The following CCDC39 variants were observed in gnomAD, a reference collection of about 807,000 sequenced individuals.
CCDC39 encodes the protein coiled-coil domain 39 molecular ruler complex subunit.
CCDC39 carries 113 observed loss-of-function variants against 121.0 expected under a neutral mutation model. The ratio of observed to expected loss-of-function variants is 0.93; its 90% CI spans 0.80 to 1.09. The LOEUF (loss-of-function observed/expected upper bound fraction) is 1.09, where lower values mean the gene tolerates loss of function less well. Among genes scored for constraint, CCDC39 ranks in the 50% least tolerant of loss-of-function variants. The probability of loss-of-function intolerance (pLI) is 0.00; values close to 1 mark genes in which losing one functional copy is unlikely to be tolerated. For synonymous variants in CCDC39, 349 were observed against 352.2 expected, an observed-to-expected ratio of 0.99 and a Z score of 0.10; for missense variants, 1,063 against 1,074.7, an observed-to-expected ratio of 0.99 and a Z score of 0.15.
intron 1 of CCDC39, among the ~76,000 whole-genome samples, chr3:180,673,484 T>TG (rs1712105310): frequency 6.6e-6 from 1 of 151,952 alleles, no homozygotes; most frequent in African/African-American, 2.4e-5. Context: ...CTTGTTAGTA[T>TG]TTTTTTTAAC....
At chr3:180,650,096 C>G (rs1051696029) in intron 9 of CCDC39, among the ~76,000 whole-genome samples, 7 of 152,028 alleles carry the variant, frequency 4.6e-5, no homozygotes, top group African/African-American at 1.7e-4. Context: ...TTTTTCAACC[C>G]CCCCAAACGA....
At chr3:180,634,406 AGGGTGTCCCCAGATT>A (rs1263108963) in intron 13 of CCDC39, among the ~76,000 whole-genome samples, 1 of 152,160 alleles carries the variant, frequency 6.6e-6, no homozygotes, top group Non-Finnish European at 1.5e-5. Context: ...ATCACCAGGT[AGGGTGTCCCCAGATT>A]GGGCCCATAG....
At chr3:180,633,286 TA>T in intron 13 of CCDC39, among the ~76,000 whole-genome samples, 2 of 152,278 alleles carry the variant, frequency 1.3e-5, no homozygotes, top group East Asian at 3.9e-4. Context: ...AAAGGACCAT[TA>T]AACATTTATG....
chr3:180,670,312 G>GTGT (rs1712003307), intron 1 of CCDC39, among the ~76,000 whole-genome samples: 1 of 148,292 alleles, frequency 6.7e-6, no homozygotes. Context: ...GTATGGAAGG[G>GTGT]GTGTGTGTGT....
rs534513351 is a variant in CCDC39 at position 180,636,309 on chromosome 3, A to C, written c.1875-4717T>G. Among the ~76,000 whole-genome samples, 3 of 152,308 alleles carry C rather than the reference A, an allele frequency of 2.0e-5. No homozygotes were observed. In the East Asian group the frequency reaches 5.8e-4, roughly 29 times the overall value. On this transcript the variant is annotated intron_variant, in intron 13 of 19. Coordinates refer to ENST00000476379, the MANE Select transcript of CCDC39 (RefSeq NM_181426.2). ...ATTACTAGCATTCCTATACACCAATAACAGCCAAGCCAATAGCCAAATCAG... is the reference window on the plus strand; with the variant it reads ...ATTACTAGCATTCCTATACACCAATCACAGCCAAGCCAATAGCCAAATCAG...
chr3:180,635,705 C>G (rs1717808917), intron 13 of CCDC39, among the ~76,000 whole-genome samples: 1 of 152,154 alleles, frequency 6.6e-6, no homozygotes. Context: ...GCCCCTGTGG[C>G]TTTTTAGGGT....
chr3:180,648,497 C>T (rs921438954), intron 9 of CCDC39, 138 bp from the exon 10 acceptor site: 1 of 546,672 alleles, frequency 1.8e-6, no homozygotes, highest in Non-Finnish European at 3.0e-6. Flanking sequence ...GCTCTTCCCA[C>T]AATTTTAACA....
At position 180,660,741 on chromosome 3, in the gene CCDC39, G is replaced by A. The variant is rs1268609093; in HGVS notation, c.358-13C>T. The A allele has an allele frequency of 3.1e-6, 5 of 1,588,236 alleles. No homozygotes were observed. Among genetic ancestry groups the A allele is most frequent in the East Asian group, 4.5e-5 (2 of 44,374 alleles). On this transcript the variant is annotated splice_polypyrimidine_tract_variant and intron_variant, in intron 3 of 19. Coordinates refer to ENST00000476379, the MANE Select transcript of CCDC39 (RefSeq NM_181426.2). The stretch of plus-strand genomic sequence containing the variant: ...TAAATATGCCATTCTAATTTCCAAA[G>A]AGAGAGAGAAAAGGGGAGATTACAA...
rs1456811903 is a variant in CCDC39, at chr3:180,648,325, A to G, written c.1202T>C (p.Val401Ala). ...TAACTCCTGAGCTTTCTTAAACAGC[A>G]CACCTTTTATGAGGTTCAGTTGAAC... ...VDVQLNLIKG[V>A]LFKKAQELQT... The change falls in exon 10 of 20, where the codon GTG becomes GCG. Residue 401 changes from valine (V) to alanine (A), a missense_variant. Val to Ala is a moderately conservative substitution (Grantham distance 64). Coordinates refer to ENST00000476379, the MANE Select transcript of CCDC39 (RefSeq NM_181426.2). 6.2e-7 allele frequency: 1 copy of G among 1,601,146 alleles called. No homozygotes were observed. Among genetic ancestry groups the G allele is most frequent in the Non-Finnish European group, 8.5e-7 (1 of 1,174,464 alleles).
chr3:180,629,982 C>T (rs971836224), intron 14 of CCDC39, among the ~76,000 whole-genome samples: 2 of 152,066 alleles, frequency 1.3e-5, no homozygotes, highest in Non-Finnish European at 2.9e-5. Flanking sequence ...TGCCAGCCAC[C>T]GTCCCAAGGG....
chr3:180,656,776 T>G (rs1711590261), intron 6 of CCDC39, among the ~76,000 whole-genome samples: 1 of 152,218 alleles, frequency 6.6e-6, no homozygotes. Context: ...TCATTTTCAC[T>G]GCTTATTATA....
chr3:180,655,319 G>T (rs796145823), intron 6 of CCDC39, among the ~76,000 whole-genome samples: 9 of 150,550 alleles, frequency 6.0e-5, no homozygotes, highest in African/African-American at 2.2e-4. Context: ...TTACAGACCG[G>T]TTTTTTTTTA....
intron 1 of CCDC39, among the ~76,000 whole-genome samples, chr3:180,673,470 G>T (rs748677558): frequency 1.3e-5 from 2 of 152,210 alleles, no homozygotes; most frequent in African/African-American, 2.4e-5. Context: ...TGAAGGCTCA[G>T]ATGCTTGTTA....
intron 6 of CCDC39, among the ~76,000 whole-genome samples, chr3:180,657,981 T>G (rs1297848210): frequency 6.6e-6 from 1 of 152,198 alleles, no homozygotes; most frequent in Non-Finnish European, 1.5e-5. Flanking sequence ...GGCTCACGCC[T>G]GTAATCCCAG....
intron 14 of CCDC39, among the ~76,000 whole-genome samples, chr3:180,622,655 A>G (rs1300948462): frequency 6.6e-6 from 1 of 152,116 alleles, no homozygotes. Context: ...CTTTATCTGC[A>G]TCTATTGAGA....
At position 180,651,385 on chromosome 3, in the gene CCDC39, T is replaced by C. The variant is rs763251591; in HGVS notation, c.1167+16A>G. ...AATTTTCTGTGATTTAAAGAAAAAT[T>C]AAAACTAAACTTTACCTTCACATCT... On this transcript the variant is annotated intron_variant, in intron 9 of 19. Coordinates refer to ENST00000476379, the MANE Select transcript of CCDC39 (RefSeq NM_181426.2). 6 of 1,543,634 alleles carry C rather than the reference T, an allele frequency of 3.9e-6. No homozygotes were observed. Among genetic ancestry groups the C allele is most frequent in the Non-Finnish European group, 5.2e-6 (6 of 1,142,962 alleles).
At chr3:180,626,237 T>C (rs559658245) in intron 14 of CCDC39, among the ~76,000 whole-genome samples, 253 of 152,250 alleles carry the variant, frequency 1.7e-3, no homozygotes, top group Non-Finnish European at 2.5e-3. Flanking sequence ...GGACTGATCA[T>C]GTGCCAACAG....
At position 180,648,219 on chromosome 3, in the gene CCDC39, C is replaced by G; in HGVS notation, c.1308G>C (p.Gln436His). ...TRSSLKHLNH[Q>H]LQKLDFETLK... ...AGGTTTCAAAATCCAGTTTTTGTAA[C>G]TGATGGTTGAGATGTTTCAGAGAGG... is the stretch of plus-strand genomic sequence containing the variant. Residue 436 changes from glutamine (Q) to histidine (H), a missense_variant, in exon 10 of 20, where the codon CAG (glutamine) becomes CAC (histidine). Transcript: ENST00000476379. The G allele has an allele frequency of 6.2e-7, 1 of 1,613,458 alleles. No homozygotes were observed. Among genetic ancestry groups the G allele is most frequent in the Non-Finnish European group, 8.5e-7 (1 of 1,179,596 alleles).
intron 14 of CCDC39, among the ~76,000 whole-genome samples, chr3:180,623,019 G>A (rs2108408311): frequency 6.6e-6 from 1 of 151,492 alleles, no homozygotes; most frequent in African/African-American, 2.4e-5. Flanking sequence ...TTGTATGCTT[G>A]GTAGAATTTA....
Sources: gnomAD v4.1 joint callset for allele counts (sites outside exome capture counted in the v4.1 genomes callset) on GRCh38, gnomAD v4.1.1 for gene constraint, MANE v1.5 for transcripts, NCBI Gene and HGNC (gene_info 2026-07-23, HGNC 2026-07-21) for gene names.